Variants in CUL2 observed in about 807,000 individuals in gnomAD.
CUL2 encodes cullin 2.
A neutral mutation model predicts 110.2 loss-of-function variants in CUL2; 22 were observed. The observed-to-expected ratio is 0.20, with a 90% CI of 0.14 to 0.28. CUL2 has a LOEUF of 0.28. CUL2 is among the 10% of genes least tolerant of loss of function. The probability of loss-of-function intolerance (pLI) is 1.00; values close to 1 mark genes in which losing one functional copy is unlikely to be tolerated. For synonymous variants in CUL2, 279 were observed against 293.2 expected (o/e 0.95, Z 0.49); for missense variants, 631 against 905.5 (o/e 0.70, Z 3.89).
chr10:35,107,107 T>G (rs1380497764), intron 1 of CUL2, among the ~76,000 whole-genome samples: 1 of 152,124 alleles, frequency 6.6e-6, no homozygotes, highest in African/African-American at 2.4e-5. Context: ...CCCGAGTAGC[T>G]GGGACTACAT....
chr10:35,022,561 G>A (rs12769109), intron 17 of CUL2, among the ~76,000 whole-genome samples: 20,617 of 152,158 alleles, frequency 0.14, 1,592 homozygotes, highest in South Asian at 0.2. Context: ...GGCCATATAT[G>A]GGTAATCTAG....
At chr10:35,120,537 A>C (rs953846155) in intron 1 of CUL2, 1 of 152,190 alleles carries the variant, frequency 6.6e-6, no homozygotes, top group Non-Finnish European at 1.5e-5. Flanking sequence ...ATTTATGAAG[A>C]CCAAGAACTT....
In CUL2 at chr10:35,031,539, G is replaced by C; in HGVS notation, c.1251C>G (p.Ser417Arg). ...CAATGTATTTGAACACTGTGATGAA[G>C]CTCGTGAGCCTGTCTTCCACTTCAT... The part of the protein sequence containing the change: ...TENEVEDRLT[S>R]FITVFKYIDD... The change falls in exon 13 of 21, where the codon AGC becomes AGG. Residue 417 changes from serine (S) to arginine (R), a missense_variant. Physicochemically the swap from Ser to Arg is moderately radical, Grantham distance 110. This residue lies in a region of CUL2 where 134 missense variants were observed against 260.4 expected (regional missense o/e 0.51). Coordinates refer to ENST00000374749, the MANE Select transcript of CUL2 (RefSeq NM_003591.4). This position sits in a 1 kb window ranked among gnomAD's most constrained non-coding sequence, Gnocchi z 4.4. The C allele has an allele frequency of 6.2e-7, 1 of 1,614,110 alleles. No homozygotes were observed. The highest frequency in any genetic ancestry group is 8.5e-7 in the Non-Finnish European group (1 of 1,179,990).
intron 10 of CUL2, among the ~76,000 whole-genome samples, chr10:35,034,046 C>T (rs2085550120): frequency 6.6e-6 from 1 of 152,228 alleles, no homozygotes; most frequent in South Asian, 2.1e-4. Flanking sequence ...CAATCCCTCA[C>T]ATCTCAGAGA....
At chr10:35,068,641 T>C (rs1460522242) in intron 2 of CUL2, among the ~76,000 whole-genome samples, 7 of 152,192 alleles carry the variant, frequency 4.6e-5, no homozygotes, top group African/African-American at 1.7e-4. Flanking sequence ...CTTGTCCATA[T>C]TTGTGTTATT....
rs1472465810 is a variant in CUL2 at position 35,031,899 on chromosome 10, T to C, written c.1171-280A>G. 6.6e-6 allele frequency among the ~76,000 whole-genome samples: 1 copy of C among 152,166 alleles called. No individual in the cohort carries two copies. Among genetic ancestry groups the C allele is most frequent in the Non-Finnish European group, 1.5e-5 (1 of 68,030 alleles). On this transcript the variant is annotated intron_variant, in intron 12 of 20. Transcript: ENST00000374749. This position sits in a 1 kb window ranked among gnomAD's most constrained non-coding sequence, Gnocchi z 4.4. ...ACCACACCAGGCTTCTAAAGCTTTA[T>C]GTAATAATCATAAATGTAAACTAAA... is the stretch of plus-strand genomic sequence containing the variant.
chr10:35,067,886 T>G (rs1031367630), intron 2 of CUL2, among the ~76,000 whole-genome samples: 36 of 151,898 alleles, frequency 2.4e-4, no homozygotes, highest in South Asian at 4.2e-4. Flanking sequence ...GGCAGGCGGA[T>G]CACGAGGTCA....
Position 35,058,083 on chromosome 10 carries a change from G to A in CUL2, c.317+2791C>T, listed in dbSNP as rs111979498. On this transcript the variant is annotated intron_variant, in intron 4 of 20. Transcript: ENST00000374749. Reference sequence around the variant, plus strand: ...ACTGCACTCCAGCCGGGGAAACAGCGAGACTCGGTCCCAAAAATTAGTAAT... The same window carrying A: ...ACTGCACTCCAGCCGGGGAAACAGCAAGACTCGGTCCCAAAAATTAGTAAT... Among the ~76,000 whole-genome samples the A allele has an allele frequency of 6.6e-5, 10 of 152,282 alleles. 1 individual carries two copies. The East Asian group carries it at 9.6e-4, about 15-fold the overall frequency.
At chr10:35,013,853 A>C (rs537679712) in intron 18 of CUL2, 53 bp from the exon 19 acceptor site, 2 of 1,224,066 alleles carry the variant, frequency 1.6e-6, no homozygotes, top group East Asian at 5.6e-5. Flanking sequence ...TCTTTAAATA[A>C]GAGTTTGCTG....
At chr10:35,064,796 G>T (rs2086474790) in intron 2 of CUL2, among the ~76,000 whole-genome samples, 1 of 151,994 alleles carries the variant, frequency 6.6e-6, no homozygotes, top group Non-Finnish European at 1.5e-5. Context: ...TTCTGCCTCG[G>T]CCTCCCAAAG....
chr10:35,031,941 A>G lies in CUL2; in HGVS notation c.1171-322T>C, dbSNP rs879908676. ...TAAACTAAATAAAATATACATCATA[A>G]GGTAAATTTTTAAAAAGAACAAGTC... On this transcript the variant is annotated intron_variant, in intron 12 of 20. Coordinates refer to ENST00000374749, the MANE Select transcript of CUL2 (RefSeq NM_003591.4). The surrounding 1 kb of genome is among the most constrained non-coding windows in gnomAD (Gnocchi z 4.4). 3.3e-5 allele frequency among the ~76,000 whole-genome samples: 5 copies of G among 152,236 alleles called. No individual in the cohort carries two copies. Among genetic ancestry groups the G allele is most frequent in the African/African-American group, 1.2e-4 (5 of 41,456 alleles).
At chr10:35,121,313 C>T (rs560448259) in intron 1 of CUL2, among the ~76,000 whole-genome samples, 12 of 152,272 alleles carry the variant, frequency 7.9e-5, no homozygotes, top group African/African-American at 2.4e-4. Flanking sequence ...CTGCAACCCC[C>T]GCCTCACAGG....
rs1162756090 is a variant in CUL2, at chr10:35,008,814, T to C, written c.*1497A>G. On this transcript the variant is annotated 3_prime_UTR_variant, in exon 21 of 21. Transcript: ENST00000374749. ...TAAATATGAACCACATATTAGATGA[T>C]ACTAAGTAATTATTGTTTTTGTTAG... The C allele has an allele frequency of 6.6e-6, 1 of 152,222 alleles. No homozygotes were observed. Among genetic ancestry groups the C allele is most frequent in the Non-Finnish European group, 1.5e-5 (1 of 68,044 alleles). The allele number at this position is 152,222 out of a possible 1,614,324, so 9.4% of individuals were successfully genotyped here.
intron 1 of CUL2, among the ~76,000 whole-genome samples, chr10:35,078,889 A>G (rs1490700077): frequency 6.6e-6 from 1 of 152,228 alleles, no homozygotes; most frequent in Non-Finnish European, 1.5e-5. Context: ...GTAAGATACA[A>G]TAGAGTGGTC....
intron 2 of CUL2, among the ~76,000 whole-genome samples, chr10:35,098,877 T>C (rs935908171): frequency 6.6e-6 from 1 of 152,124 alleles, no homozygotes; most frequent in Non-Finnish European, 1.5e-5. Flanking sequence ...GAGGTTGTAG[T>C]GAGTTGAGAT....
At chr10:35,072,700 C>T (rs977043629) in intron 1 of CUL2, among the ~76,000 whole-genome samples, 3 of 152,144 alleles carry the variant, frequency 2.0e-5, no homozygotes, top group African/African-American at 7.2e-5. Context: ...TCAAAGACTC[C>T]TGCCTCAGAC....
At chr10:35,092,350 C>T (rs1262528540), upstream of CUL2, among the ~76,000 whole-genome samples, 1 of 152,250 alleles carries the variant, frequency 6.6e-6, no homozygotes, top group African/African-American at 2.4e-5. Context: ...ACAGTGCCAC[C>T]AACCTGTCCG....
intron 16 of CUL2, among the ~76,000 whole-genome samples, chr10:35,025,411 A>T (rs990462005): frequency 6.6e-6 from 1 of 152,164 alleles, no homozygotes; most frequent in African/African-American, 2.4e-5. Context: ...TTAATTGACA[A>T]CTTGTTCTAG....
intron 5 of CUL2, among the ~76,000 whole-genome samples, chr10:35,053,756 CTGT>C (rs1033596055): frequency 3.9e-5 from 6 of 152,228 alleles, no homozygotes; most frequent in Non-Finnish European, 8.8e-5. Flanking sequence ...GCCTCTTAGC[CTGT>C]TTATTTCCTT....
Sources: gnomAD v4.1 joint callset for allele counts (sites outside exome capture counted in the v4.1 genomes callset) on GRCh38, gnomAD v4.1.1 for gene constraint, gnomAD v4.1.1 regional missense constraint, Gnocchi (gnomAD v3.1) non-coding constraint, MANE v1.5 for transcripts, NCBI Gene and HGNC (gene_info 2026-07-23, HGNC 2026-07-21) for gene names.